The following IMMP2L variants were observed in gnomAD, a reference collection of about 807,000 sequenced individuals.
IMMP2L encodes the protein inner mitochondrial membrane peptidase subunit 2.
A neutral mutation model predicts 19.3 loss-of-function variants in IMMP2L; 18 were observed. The ratio of observed to expected loss-of-function variants is 0.93; its 90% CI spans 0.64 to 1.38. The LOEUF is 1.38. Among genes scored for constraint, IMMP2L ranks in the 40% most tolerant of loss-of-function variants. The probability of loss-of-function intolerance (pLI) is 0.00; values close to 1 mark genes in which losing one functional copy is unlikely to be tolerated. For missense variants in IMMP2L, 233 were observed against 218.2 expected (o/e 1.07, Z -0.43); for synonymous variants, 76 against 73.0 (o/e 1.04, Z -0.21).
chr7:111,440,494 T>C (rs964862234), intron 3 of IMMP2L, among the ~76,000 whole-genome samples: 2 of 151,924 alleles, frequency 1.3e-5, no homozygotes, highest in African/African-American at 4.9e-5. Flanking sequence ...AAGGATTCTT[T>C]GCTTCTGAGC....
intron 3 of IMMP2L, among the ~76,000 whole-genome samples, chr7:111,196,543 T>C (rs1809525030): frequency 2.0e-5 from 3 of 152,162 alleles, no homozygotes; most frequent in Admixed American, 2.0e-4. Context: ...CACTATTTTC[T>C]AAATAAAAGG....
chr7:110,916,654 AG>A (rs1003316457), intron 4 of IMMP2L, among the ~76,000 whole-genome samples: 7 of 152,232 alleles, frequency 4.6e-5, no homozygotes, highest in African/African-American at 1.7e-4. Flanking sequence ...AAAGTCTGGC[AG>A]GAATGCCAAA....
chr7:110,868,493 T>A (rs1808225037), intron 5 of IMMP2L, among the ~76,000 whole-genome samples: 1 of 152,076 alleles, frequency 6.6e-6, no homozygotes, highest in Admixed American at 6.6e-5. Flanking sequence ...GGGGTTCAAA[T>A]CATAGCAAAT....
intron 3 of IMMP2L, among the ~76,000 whole-genome samples, chr7:111,049,179 G>A (rs1585956469): frequency 7.9e-6 from 1 of 126,536 alleles, no homozygotes; most frequent in Non-Finnish European, 1.6e-5. Flanking sequence ...CGCCCAGGCT[G>A]GAGTGCAGTG....
chr7:110,972,611 T>TA (rs1820263669), intron 3 of IMMP2L, among the ~76,000 whole-genome samples: 1 of 151,920 alleles, frequency 6.6e-6, no homozygotes, highest in African/African-American at 2.4e-5. Flanking sequence ...GGTCAGGGGT[T>TA]AAAAAAGACT....
At chr7:110,900,838 G>C (rs184000868) in intron 4 of IMMP2L, among the ~76,000 whole-genome samples, 63 of 152,030 alleles carry the variant, frequency 4.1e-4, no homozygotes, top group Non-Finnish European at 8.1e-4. Flanking sequence ...GTGGTGGGAG[G>C]CGGTATGTGT....
chr7:111,131,843 T>C (rs946306263), intron 3 of IMMP2L, among the ~76,000 whole-genome samples: 2 of 151,838 alleles, frequency 1.3e-5, no homozygotes, highest in Non-Finnish European at 2.9e-5. Flanking sequence ...TATGAATGCA[T>C]ATTAACTGTA....
At chr7:111,300,321 T>G (rs1822084593) in intron 3 of IMMP2L, among the ~76,000 whole-genome samples, 1 of 152,128 alleles carries the variant, frequency 6.6e-6, no homozygotes, top group African/African-American at 2.4e-5. Flanking sequence ...TCAAAATCAC[T>G]AGGGCTGGAA....
At chr7:110,712,776 G>A (rs1376957876) in intron 5 of IMMP2L, among the ~76,000 whole-genome samples, 2 of 109,834 alleles carry the variant, frequency 1.8e-5, no homozygotes, top group Non-Finnish European at 3.8e-5. Flanking sequence ...CGATTTTCCA[G>A]GTGCGTCCGT....
At chr7:110,790,399 G>A (rs1396907486) in intron 5 of IMMP2L, among the ~76,000 whole-genome samples, 1 of 151,730 alleles carries the variant, frequency 6.6e-6, no homozygotes, top group Non-Finnish European at 1.5e-5. Context: ...TGGATTTTCT[G>A]TGGATAATTG....
chr7:111,142,283 G>A (rs1180969138), intron 3 of IMMP2L, among the ~76,000 whole-genome samples: 10 of 146,602 alleles, frequency 6.8e-5, no homozygotes, highest in Non-Finnish European at 1.2e-4. Context: ...CCAAGATCGC[G>A]CCACTGTGCT....
At chr7:111,003,139 A>G (rs1823894722) in intron 3 of IMMP2L, among the ~76,000 whole-genome samples, 1 of 152,082 alleles carries the variant, frequency 6.6e-6, no homozygotes, top group African/African-American at 2.4e-5. Context: ...CATTTAGTTC[A>G]TTGTTCACTT....
At chr7:110,885,738 G>T (rs879025356) in intron 5 of IMMP2L, among the ~76,000 whole-genome samples, 11 of 151,980 alleles carry the variant, frequency 7.2e-5, no homozygotes, top group Admixed American at 2.0e-4. Flanking sequence ...AACAGCAGAT[G>T]TAAGAAGGGC....
chr7:111,492,317 C>G, intron 2 of IMMP2L: 137 of 787,882 alleles, frequency 1.7e-4, no homozygotes, highest in Non-Finnish European at 2.0e-4. Context: ...CCCAAATATA[C>G]TTCCCCTCCT....
chr7:111,296,827 G>T lies in IMMP2L; in HGVS notation c.239+190411C>A, dbSNP rs112223831. ...GAATGGTTAAATAAACTGTGTTATA[G>T]CCATACTACTCAGCAATGAAATGCA... On this transcript the variant is annotated intron_variant, in intron 3 of 5. Coordinates refer to ENST00000405709, the MANE Select transcript of IMMP2L (RefSeq NM_032549.4). Among the ~76,000 whole-genome samples the T allele has an allele frequency of 2.6e-3, 390 of 152,010 alleles. 2 individuals carry two copies. Among genetic ancestry groups the T allele is most frequent in the African/African-American group, 9.0e-3 (373 of 41,528 alleles).
At chr7:111,078,663 T>C (rs1406183591) in intron 3 of IMMP2L, among the ~76,000 whole-genome samples, 2 of 152,136 alleles carry the variant, frequency 1.3e-5, no homozygotes, top group African/African-American at 4.8e-5. Context: ...TCTTCCCCAT[T>C]TCTTTATCCT....
intron 3 of IMMP2L, among the ~76,000 whole-genome samples, chr7:110,978,915 T>G (rs553875824): frequency 6.6e-6 from 1 of 152,174 alleles, no homozygotes; most frequent in African/African-American, 2.4e-5. Flanking sequence ...TTCAAATCAT[T>G]TTGTTTTGTG....
chr7:110,902,136 T>C (rs1038569620), intron 4 of IMMP2L, among the ~76,000 whole-genome samples: 1 of 151,634 alleles, frequency 6.6e-6, no homozygotes, highest in Non-Finnish European at 1.5e-5. Context: ...TTTTGGAGGG[T>C]TAAGGGGGAT....
At chr7:111,059,797 G>A (rs949148534) in intron 3 of IMMP2L, among the ~76,000 whole-genome samples, 2 of 151,974 alleles carry the variant, frequency 1.3e-5, no homozygotes, top group Non-Finnish European at 1.5e-5. Flanking sequence ...GACTTCAAGT[G>A]TCTAAAAATA....
Sources: gnomAD v4.1 joint callset for allele counts (sites outside exome capture counted in the v4.1 genomes callset) on GRCh38, gnomAD v4.1.1 for gene constraint, MANE v1.5 for transcripts, NCBI Gene and HGNC (gene_info 2026-07-23, HGNC 2026-07-21) for gene names.